The following DBF4 variants were observed in gnomAD, a reference collection of about 807,000 sequenced individuals.
DBF4 encodes the protein protein DBF4 homolog A.
Under a neutral mutation model 76.6 loss-of-function variants are expected in DBF4, and 25 were observed. That is an observed-to-expected ratio of 0.33 (90% CI 0.24 to 0.46). The LOEUF (loss-of-function observed/expected upper bound fraction) is 0.46, where lower values mean the gene tolerates loss of function less well. Among genes scored for constraint, DBF4 ranks in the 20% least tolerant of loss-of-function variants. DBF4 has a pLI of 1.00. For synonymous variants in DBF4, 213 were observed against 258.0 expected (o/e 0.83, Z 1.67); for missense variants, 638 against 760.8 (o/e 0.84, Z 1.90).
At chr7:87,877,171 G>C (rs539843751) in intron 1 of DBF4, among the ~76,000 whole-genome samples, 2 of 152,334 alleles carry the variant, frequency 1.3e-5, no homozygotes, top group East Asian at 3.9e-4. Context: ...CGCGCTCGTG[G>C]CTTTTCGCTT....
chr7:87,876,891 C>T, intron 1 of DBF4, 113 bp downstream of exon 1: 5 of 1,203,112 alleles, frequency 4.2e-6, no homozygotes, highest in Admixed American at 2.0e-5. Flanking sequence ...TTCTTCTGAC[C>T]GGCCTCTGGG....
At chr7:87,896,740 T>G (rs1166086409) in intron 7 of DBF4, among the ~76,000 whole-genome samples, 1 of 152,214 alleles carries the variant, frequency 6.6e-6, no homozygotes, top group Non-Finnish European at 1.5e-5. Context: ...GAAAATGAAT[T>G]ATATTAAAAT....
Position 87,885,071 on chromosome 7 carries a change from TGTACCAA to T in DBF4, c.315_321del (p.Pro106GlnfsTer29), listed in dbSNP as rs1839311067. 7.4e-6 allele frequency: 12 copies of T among 1,613,996 alleles called. No individual in the cohort carries two copies. In the South Asian group the frequency reaches 1.3e-4, roughly 18 times the overall value. On this transcript the variant is annotated frameshift_variant, in exon 3 of 12. Coordinates refer to ENST00000265728, the MANE Select transcript of DBF4 (RefSeq NM_006716.4). LOFTEE classifies it high-confidence loss of function. ...CACAAACCTTGGGTCGAATTTCTCCTGTACCAAGTCCAGAATCTGCATATACTGCAGA... is the reference window on the plus strand; with the variant it reads ...CACAAACCTTGGGTCGAATTTCTCCTGTCCAGAATCTGCATATACTGCAGA...
chr7:87,889,574 C>T (rs953319495), intron 6 of DBF4, among the ~76,000 whole-genome samples: 8 of 152,084 alleles, frequency 5.3e-5, no homozygotes, highest in African/African-American at 1.9e-4. Context: ...GCAACCACAC[C>T]CAGCCCTCAT....
chr7:87,883,690 T>G (rs532214426), intron 2 of DBF4, among the ~76,000 whole-genome samples: 2 of 152,336 alleles, frequency 1.3e-5, no homozygotes, highest in South Asian at 4.1e-4. Context: ...CTGGTCTCAG[T>G]AGCAAATGCT....
intron 4 of DBF4, 48 bp downstream of exon 4, chr7:87,886,942 A>T: frequency 8.0e-7 from 1 of 1,246,554 alleles, no homozygotes; most frequent in Non-Finnish European, 1.1e-6. Context: ...GTTATTAAAA[A>T]CTCAACTGGA....
Position 87,904,345 on chromosome 7 carries a change from T to C in DBF4, c.978T>C (p.Val326=). ...RNFAQSNQYQ[V]VDDIVSKLVF... ...TTGCACAGAGTAACCAGTATCAAGTTGTTGATGATATTGTATCTAAGTTAG... is the reference window on the plus strand; with the variant it reads ...TTGCACAGAGTAACCAGTATCAAGTCGTTGATGATATTGTATCTAAGTTAG... Residue 326 remains valine (V), a synonymous_variant, in exon 11 of 12, where the codon GTT becomes GTC. Coordinates refer to ENST00000265728, the MANE Select transcript of DBF4 (RefSeq NM_006716.4). The C allele has an allele frequency of 1.2e-6, 2 of 1,613,964 alleles. No homozygotes were observed.
At chr7:87,903,689 CTTTTTTTTT>C (rs56740998) in intron 10 of DBF4, among the ~76,000 whole-genome samples, 1 of 98,106 alleles carries the variant, frequency 1.0e-5, no homozygotes, top group African/African-American at 4.0e-5. Context: ...CTCTGTATCC[CTTTTTTTTT>C]TTTTTTTTTT....
intron 9 of DBF4, 87 bp downstream of exon 9, chr7:87,900,436 G>A (rs1839748686): frequency 1.4e-6 from 2 of 1,397,748 alleles, no homozygotes; most frequent in Non-Finnish European, 2.0e-6. Context: ...TTTCATTTAT[G>A]CCATAATGGT....
At position 87,900,285 on chromosome 7, in the gene DBF4, C is replaced by T. The variant is rs780831826; in HGVS notation, c.745C>T (p.Pro249Ser). 1.9e-6 allele frequency: 3 copies of T among 1,603,546 alleles called. No homozygotes were observed. The highest frequency in any genetic ancestry group is 2.5e-6 in the Non-Finnish European group (3 of 1,176,498). ...MPFINYSIQKPCSPFDVDKPS... is the reference protein window; with the variant it reads ...MPFINYSIQKSCSPFDVDKPS... ...TTTTATAAATTATTCTATTCAGAAG[C>T]CCTGCAGTCCATTTGATGTAGACAA... Residue 249 changes from proline to serine, a missense_variant, in exon 9 of 12, where the codon CCC becomes TCC. Transcript: ENST00000265728.
At chr7:87,896,209 CTT>C (rs34338982) in intron 6 of DBF4, 6,595 of 332,190 alleles carry the variant, frequency 0.02, 98 homozygotes, top group Non-Finnish European at 0.027. Flanking sequence ...AATAATATGA[CTT>C]TTAAAAAAAC....
chr7:87,881,580 G>T (rs73706947), intron 2 of DBF4, among the ~76,000 whole-genome samples: 1,939 of 152,240 alleles, frequency 0.013, 44 homozygotes, highest in African/African-American at 0.044. Flanking sequence ...ACACACAACT[G>T]GAACACGGCT....
In DBF4 at chr7:87,888,010, A is replaced by C; in HGVS notation, c.548A>C (p.Lys183Thr). The change falls in exon 6 of 12, where the codon AAA becomes ACA. Residue 183 changes from lysine to threonine, a missense_variant. Lys to Thr is a moderately conservative substitution (Grantham distance 78). Coordinates refer to ENST00000265728, the MANE Select transcript of DBF4 (RefSeq NM_006716.4). Reference sequence around the variant, plus strand: ...ATTAGATACTACATTGAACAAAAGAAAAAAGAGTTGTATTTACTCAAGAAA... The same window carrying C: ...ATTAGATACTACATTGAACAAAAGACAAAAGAGTTGTATTTACTCAAGAAA... ...DDIRYYIEQK[K>T]KELYLLKKSS... The C allele has an allele frequency of 6.4e-7, 1 of 1,558,546 alleles. No individual in the cohort carries two copies.
In DBF4 at chr7:87,909,552, A is replaced by G. The variant is rs1400835260; in HGVS notation, c.*1389A>G. 1 of 152,216 alleles carries G rather than the reference A, an allele frequency of 6.6e-6. No homozygotes were observed. Among genetic ancestry groups the G allele is most frequent in the Admixed American group, 6.5e-5 (1 of 15,280 alleles). The allele number at this position is 152,216 out of a possible 1,614,324, so 9.4% of individuals were successfully genotyped here. ...AGAGTCTTTACAGTGCATACACGCA[A>G]ACCCTGTTTCCATTGTAAATTATTG... On this transcript the variant is annotated 3_prime_UTR_variant, in exon 12 of 12. Coordinates refer to ENST00000265728, the MANE Select transcript of DBF4 (RefSeq NM_006716.4).
intron 2 of DBF4, among the ~76,000 whole-genome samples, chr7:87,881,776 T>C (rs1333450600): frequency 6.6e-6 from 1 of 152,248 alleles, no homozygotes; most frequent in African/African-American, 2.4e-5. Flanking sequence ...GTGTTGTCAA[T>C]GCTTTGACAG....
chr7:87,887,328 G>T lies in DBF4; in HGVS notation c.451-1G>T. 1 of 1,514,692 alleles carries T rather than the reference G, an allele frequency of 6.6e-7. No individual in the cohort carries two copies. The highest frequency in any genetic ancestry group is 9.0e-7 in the Non-Finnish European group (1 of 1,116,546). The allele number at this position is 1,514,692 out of a possible 1,614,324, so 93.8% of individuals were successfully genotyped here. A position where few individuals can be genotyped will look rare whatever the true frequency, so the allele number is the denominator to read the frequency against. ...CAACCATAAAACTTTTTTTTTTACA[G>T]GATTTTATTCCTTCAAATAGTATAT... is the stretch of plus-strand genomic sequence containing the variant. On this transcript the variant is annotated splice_acceptor_variant, in intron 4 of 11. Coordinates refer to ENST00000265728, the MANE Select transcript of DBF4 (RefSeq NM_006716.4). LOFTEE classifies it high-confidence loss of function.
rs541267607 is a variant in DBF4, at chr7:87,877,885, G to C, written c.47-168G>C. On this transcript the variant is annotated intron_variant, in intron 1 of 11. Transcript: ENST00000265728. ...TATGCGGTCTGTGAAAGTATATAGG[G>C]CATTTTGCCTCTATCCTAAGTAGTA... Among the ~76,000 whole-genome samples, 3 of 152,286 alleles carry C rather than the reference G, an allele frequency of 2.0e-5. No individual in the cohort carries two copies. The South Asian group carries it at 6.2e-4, about 32-fold the overall frequency.
At chr7:87,899,331 CTT>C (rs960459787) in intron 8 of DBF4, among the ~76,000 whole-genome samples, 19 of 152,136 alleles carry the variant, frequency 1.2e-4, no homozygotes, top group Non-Finnish European at 2.2e-4. Context: ...GTATCTATTT[CTT>C]TTTTTCAGCT....
At chr7:87,893,561 G>C (rs1426008742) in intron 6 of DBF4, among the ~76,000 whole-genome samples, 2 of 152,136 alleles carry the variant, frequency 1.3e-5, no homozygotes, top group African/African-American at 4.8e-5. Flanking sequence ...TGTCTTCCTG[G>C]TGAATTGACC....
Sources: gnomAD v4.1 joint callset for allele counts (sites outside exome capture counted in the v4.1 genomes callset) on GRCh38, gnomAD v4.1.1 for gene constraint, MANE v1.5 for transcripts, NCBI Gene and HGNC (gene_info 2026-07-23, HGNC 2026-07-21) for gene names.